The following SOS1 variants were observed in gnomAD, a reference collection of about 807,000 sequenced individuals.
SOS1 encodes the protein son of sevenless homolog 1.
Under a neutral mutation model 157.6 loss-of-function variants are expected in SOS1, and 25 were observed. That is an observed-to-expected ratio of 0.16 (90% confidence interval 0.12 to 0.22). The LOEUF (loss-of-function observed/expected upper bound fraction) is 0.22, where lower values mean the gene tolerates loss of function less well. Ranked by LOEUF, SOS1 falls within the 10% of genes least tolerant of loss-of-function variation. The pLI is 1.00. For synonymous variants in SOS1, 528 were observed against 534.0 expected (o/e 0.99, Z 0.16); for missense variants, 1,237 against 1,599.1 (o/e 0.77, Z 3.86).
At chr2:39,011,769 C>T (rs566413064) in intron 14 of SOS1, among the ~76,000 whole-genome samples, 1 of 152,158 alleles carries the variant, frequency 6.6e-6, no homozygotes, top group South Asian at 2.1e-4. Flanking sequence ...AACCTCAAAA[C>T]AGCCCCAGGA....
intron 20 of SOS1, among the ~76,000 whole-genome samples, chr2:38,990,053 A>G (rs1558457274): frequency 1.3e-5 from 2 of 152,126 alleles, no homozygotes; most frequent in Admixed American, 6.6e-5. Context: ...CTAAATCAAT[A>G]TAGTTGTTTG....
intron 8 of SOS1, among the ~76,000 whole-genome samples, chr2:39,032,138 G>T (rs537396075): frequency 6.6e-6 from 1 of 151,836 alleles, no homozygotes; most frequent in East Asian, 1.9e-4. Flanking sequence ...TTTTTTTCGT[G>T]GTGAGAACAC....
upstream of SOS1, among the ~76,000 whole-genome samples, chr2:39,122,067 G>C (rs576981110): frequency 8.1e-4 from 123 of 152,348 alleles, no homozygotes; most frequent in African/African-American, 2.9e-3. Flanking sequence ...GAAAGGTTCA[G>C]TGGTTCTTAA....
chr2:39,018,802 T>C (rs2124528156), intron 10 of SOS1, among the ~76,000 whole-genome samples: 1 of 151,874 alleles, frequency 6.6e-6, no homozygotes, highest in East Asian at 1.9e-4. Flanking sequence ...CTCCCTTTAA[T>C]GCAGCCATTT....
At chr2:39,093,185 G>T (rs1672651370) in intron 1 of SOS1, among the ~76,000 whole-genome samples, 2 of 152,130 alleles carry the variant, frequency 1.3e-5, no homozygotes, top group Admixed American at 6.5e-5. Flanking sequence ...ATATAATGAA[G>T]ATATACAGGC....
Position 39,006,649 on chromosome 2 carries a change from C to T in SOS1, c.2674-120G>A, listed in dbSNP as rs1669291431. On this transcript the variant is annotated intron_variant, in intron 16 of 22. Transcript: ENST00000402219. ...TATCAATTTGATTTTATGACTGTAACATTGCTTCAAATATTGCTTCAAATA... is the reference window on the plus strand; with the variant it reads ...TATCAATTTGATTTTATGACTGTAATATTGCTTCAAATATTGCTTCAAATA... The T allele has an allele frequency of 7.0e-6, 5 of 716,886 alleles. No individual in the cohort carries two copies. In the Admixed American group the frequency reaches 8.6e-5, roughly 12 times the overall value. The allele number at this position is 716,886 out of a possible 1,614,324, so 44.4% of individuals were successfully genotyped here.
chr2:39,093,871 A>G (rs1457032821), intron 1 of SOS1, among the ~76,000 whole-genome samples: 4 of 152,240 alleles, frequency 2.6e-5, no homozygotes, highest in African/African-American at 9.6e-5. Context: ...ATAGTTTCAG[A>G]TTCCATGTTG....
At chr2:39,055,528 C>T (rs1447619794) in intron 4 of SOS1, among the ~76,000 whole-genome samples, 1 of 152,058 alleles carries the variant, frequency 6.6e-6, no homozygotes, top group Admixed American at 6.5e-5. Context: ...TCAAGTATTT[C>T]GTATTCGTGT....
At chr2:39,069,298 T>G (rs1049786019) in intron 1 of SOS1, among the ~76,000 whole-genome samples, 7 of 148,622 alleles carry the variant, frequency 4.7e-5, no homozygotes, top group Admixed American at 1.4e-4. Context: ...AAGGATCGCT[T>G]AAACCCAGGA....
At chr2:39,114,827 A>G (rs1673585315) in intron 1 of SOS1, among the ~76,000 whole-genome samples, 1 of 152,134 alleles carries the variant, frequency 6.6e-6, no homozygotes. Context: ...CAAACTCCTG[A>G]CCACAGGTGA....
intron 6 of SOS1, among the ~76,000 whole-genome samples, chr2:39,037,931 TTC>T (rs1366804404): frequency 6.6e-6 from 1 of 152,166 alleles, no homozygotes; most frequent in Non-Finnish European, 1.5e-5. Context: ...AAAAAAAAAT[TTC>T]TTTCAAAATA....
chr2:39,022,937 T>G lies in SOS1; in HGVS notation c.1491A>C (p.Arg497=), dbSNP rs1432437086. The G allele has an allele frequency of 6.2e-7, 1 of 1,613,612 alleles. No homozygotes were observed. Among genetic ancestry groups the G allele is most frequent in the South Asian group, 1.1e-5 (1 of 91,064 alleles). ...EYRLKEKFFM[R]KVQINDKDDT... ...CATCTTTATCATTAATTTGTACCTT[T>G]CGCATAAAAAACTTTTCTTTAAGAC... Residue 497 remains arginine, a synonymous_variant, in exon 10 of 23, where the codon CGA becomes CGC. Transcript: ENST00000402219.
At chr2:39,049,477 CCTTCA>C (rs1187685988) in intron 6 of SOS1, among the ~76,000 whole-genome samples, 5 of 152,144 alleles carry the variant, frequency 3.3e-5, no homozygotes, top group Middle Eastern at 3.4e-3. Flanking sequence ...GGATCATATT[CCTTCA>C]CTTATCTCTT....
intron 2 of SOS1, among the ~76,000 whole-genome samples, chr2:39,062,242 A>G (rs956114102): frequency 3.3e-5 from 5 of 151,536 alleles, no homozygotes; most frequent in Non-Finnish European, 7.4e-5. Flanking sequence ...ATACAGTAAA[A>G]CCCTGTCTCT....
intron 15 of SOS1, chr2:39,007,485 T>C (rs1669317993): frequency 3.0e-6 from 1 of 333,510 alleles, no homozygotes; most frequent in Non-Finnish European, 5.5e-6. Flanking sequence ...TCTTGTGGAA[T>C]GTATGGAGGT....
chr2:39,041,734 C>T (rs1670579703), intron 6 of SOS1, among the ~76,000 whole-genome samples: 1 of 152,158 alleles, frequency 6.6e-6, no homozygotes, highest in Admixed American at 6.5e-5. Flanking sequence ...TCCCTTATAA[C>T]TATGGTGTCT....
At position 38,983,733 on chromosome 2, in the gene SOS1, G is replaced by T. The variant is rs886946638; in HGVS notation, c.*2091C>A. 6.6e-6 allele frequency: 1 copy of T among 152,184 alleles called. No homozygotes were observed. Among genetic ancestry groups the T allele is most frequent in the African/African-American group, 2.4e-5 (1 of 41,452 alleles). The allele number at this position is 152,184 out of a possible 1,614,324, so 9.4% of individuals were successfully genotyped here. Reference sequence around the variant, plus strand: ...TCTTAGGGACAATGAGGCTGGCCCAGTATAAAGTCCAGGGAGATTCTGGAC... The same window carrying T: ...TCTTAGGGACAATGAGGCTGGCCCATTATAAAGTCCAGGGAGATTCTGGAC... On this transcript the variant is annotated 3_prime_UTR_variant, in exon 23 of 23. Coordinates refer to ENST00000402219, the MANE Select transcript of SOS1 (RefSeq NM_005633.4).
At position 38,983,133 on chromosome 2, in the gene SOS1, G is replaced by A. The variant is rs1668450952; in HGVS notation, c.*2691C>T. On this transcript the variant is annotated 3_prime_UTR_variant, in exon 23 of 23. Coordinates refer to ENST00000402219, the MANE Select transcript of SOS1 (RefSeq NM_005633.4). Reference sequence around the variant, plus strand: ...AAAGAAATGTTCCACATTTTGGAATGTGGTTAACAAAAAGTCATGCTGCAT... The same window carrying A: ...AAAGAAATGTTCCACATTTTGGAATATGGTTAACAAAAAGTCATGCTGCAT... The A allele has an allele frequency of 6.6e-6, 1 of 152,168 alleles. No individual in the cohort carries two copies. Among genetic ancestry groups the A allele is most frequent in the Non-Finnish European group, 1.5e-5 (1 of 68,024 alleles). The allele number at this position is 152,168 out of a possible 1,614,324, so 9.4% of individuals were successfully genotyped here. A position where few individuals can be genotyped will look rare whatever the true frequency, so the allele number is the denominator to read the frequency against.
intron 6 of SOS1, among the ~76,000 whole-genome samples, chr2:39,037,036 T>C (rs1670380168): frequency 6.6e-6 from 1 of 152,148 alleles, no homozygotes; most frequent in African/African-American, 2.4e-5. Context: ...AAGACGTGAG[T>C]TCTGGTTGTT....
Sources: gnomAD v4.1 joint callset for allele counts (sites outside exome capture counted in the v4.1 genomes callset) on GRCh38, gnomAD v4.1.1 for gene constraint, MANE v1.5 for transcripts, NCBI Gene and HGNC (gene_info 2026-07-23, HGNC 2026-07-21) for gene names.